WFDC10B: variants seen among roughly 807,000 people sequenced by gnomAD.
The protein encoded by WFDC10B is protein WFDC10B.
A neutral mutation model predicts 2.7 loss-of-function variants in WFDC10B; 1 was observed. The ratio of observed to expected loss-of-function variants is 0.38; its 90% confidence interval spans 0.13 to 1.79. The LOEUF (loss-of-function observed/expected upper bound fraction) is 1.79. WFDC10B is among the 40% of genes most tolerant of loss of function. The pLI, the probability that WFDC10B is intolerant of heterozygous loss-of-function variation, is 0.33. For missense variants in WFDC10B, 71 were observed against 87.8 expected (o/e 0.81, Z 0.76); for synonymous variants, 26 against 32.2 (o/e 0.81, Z 0.65).
intron 2 of WFDC10B, among the ~76,000 whole-genome samples, chr20:45,702,706 CA>C (rs375390203): frequency 8.5e-5 from 13 of 152,316 alleles, no homozygotes; most frequent in African/African-American, 2.9e-4. Context: ...TCCACATTTT[CA>C]AACTCCAGAG....
intron 2 of WFDC10B, among the ~76,000 whole-genome samples, chr20:45,693,371 G>T (rs1281565781): frequency 6.6e-6 from 1 of 152,196 alleles, no homozygotes; most frequent in Admixed American, 6.5e-5. Context: ...TGTCAGACAG[G>T]GACATGTAAG....
At chr20:45,687,277 T>C (rs1983651352) in intron 2 of WFDC10B, among the ~76,000 whole-genome samples, 1 of 152,148 alleles carries the variant, frequency 6.6e-6, no homozygotes. Flanking sequence ...GGTTTTCTGT[T>C]CCTCCATTAG....
At chr20:45,697,793 G>T (rs1984024153) in intron 2 of WFDC10B, among the ~76,000 whole-genome samples, 1 of 148,750 alleles carries the variant, frequency 6.7e-6, no homozygotes, top group African/African-American at 2.5e-5. Flanking sequence ...ACCCAGGCTG[G>T]AGTGCAGTGG....
At chr20:45,690,104 G>T (rs1004027880) in intron 2 of WFDC10B, among the ~76,000 whole-genome samples, 23 of 152,232 alleles carry the variant, frequency 1.5e-4, no homozygotes, top group African/African-American at 5.5e-4. Flanking sequence ...ATAATCAGGT[G>T]GTTTTGTCTT....
chr20:45,686,501 A>G (rs1414509734), intron 2 of WFDC10B, among the ~76,000 whole-genome samples: 1 of 150,672 alleles, frequency 6.6e-6, no homozygotes, highest in Non-Finnish European at 1.5e-5. Context: ...AATATTTACA[A>G]TGTCATTATT....
intron 2 of WFDC10B, among the ~76,000 whole-genome samples, chr20:45,692,821 C>G (rs1405646793): frequency 2.0e-5 from 3 of 152,216 alleles, no homozygotes; most frequent in African/African-American, 7.2e-5. Context: ...GCCTTCTTCT[C>G]TCAACTTGTC....
intron 2 of WFDC10B, among the ~76,000 whole-genome samples, chr20:45,691,952 C>T (rs148653430): frequency 1.3e-5 from 2 of 152,292 alleles, no homozygotes; most frequent in East Asian, 3.9e-4. Flanking sequence ...TACATTTTGA[C>T]ATGATTTTGC....
At chr20:45,699,675 T>G (rs1984087237) in intron 2 of WFDC10B, among the ~76,000 whole-genome samples, 1 of 152,168 alleles carries the variant, frequency 6.6e-6, no homozygotes, top group South Asian at 2.1e-4. Context: ...TATATGTGCA[T>G]TTATCCTCTT....
In WFDC10B at chr20:45,686,049, A is replaced by C; in HGVS notation, c.-57T>G. 1 of 1,591,794 alleles carries C rather than the reference A, an allele frequency of 6.3e-7. No homozygotes were observed. Among genetic ancestry groups the C allele is most frequent in the Non-Finnish European group, 8.6e-7 (1 of 1,168,394 alleles). On this transcript the variant is annotated 5_prime_UTR_variant, in exon 3 of 4. Coordinates refer to ENST00000330523, the MANE Select transcript of WFDC10B (RefSeq NM_172006.2). The stretch of plus-strand genomic sequence containing the variant: ...GCCAGGCAGTCACAGACTTCCCTGC[A>C]GAGCTGCCTGTGGAGAGGGAAGGAA...
intron 2 of WFDC10B, among the ~76,000 whole-genome samples, chr20:45,691,629 A>C (rs6130889): frequency 0.15 from 23,026 of 151,300 alleles, 1,999 homozygotes; most frequent in East Asian, 0.32. Flanking sequence ...GTTGGTTTAA[A>C]GTCTGTTTTA....
intron 2 of WFDC10B, among the ~76,000 whole-genome samples, chr20:45,692,418 A>T (rs6094199): frequency 0.19 from 28,554 of 151,664 alleles, 2,927 homozygotes; most frequent in East Asian, 0.32. Flanking sequence ...CTGGATAATA[A>T]CCTGCAGAGT....
intron 2 of WFDC10B, among the ~76,000 whole-genome samples, chr20:45,690,234 C>G (rs915302025): frequency 5.4e-5 from 8 of 148,454 alleles, no homozygotes; most frequent in Admixed American, 2.0e-4. Context: ...CTGCTGGATT[C>G]GGTTTGCTAG....
chr20:45,689,682 C>T (rs1442530052), intron 2 of WFDC10B, among the ~76,000 whole-genome samples: 1 of 152,148 alleles, frequency 6.6e-6, no homozygotes, highest in African/African-American at 2.4e-5. Context: ...GATTTTTGAA[C>T]ATTGATTTTC....
chr20:45,688,858 G>GA, intron 2 of WFDC10B, among the ~76,000 whole-genome samples: 1 of 152,108 alleles, frequency 6.6e-6, no homozygotes, highest in Non-Finnish European at 1.5e-5. Flanking sequence ...GATCCCATTT[G>GA]TCAATTTTGG....
intron 2 of WFDC10B, among the ~76,000 whole-genome samples, chr20:45,686,541 G>T (rs200588404): frequency 0.18 from 23,245 of 128,604 alleles, 2,021 homozygotes; most frequent in East Asian, 0.43. Context: ...AATTTTTTTG[G>T]GGGGGGGCGG....
At chr20:45,696,340 C>T (rs1056548339) in intron 2 of WFDC10B, among the ~76,000 whole-genome samples, 2 of 144,422 alleles carry the variant, frequency 1.4e-5, no homozygotes, top group African/African-American at 2.6e-5. Flanking sequence ...TTACATCATA[C>T]GAAACTAGAA....
In WFDC10B at chr20:45,684,831, CAT is replaced by C; in HGVS notation, c.219_220del (p.Ter74SerfsTer13). On this transcript the variant is annotated frameshift_variant and stop_lost, in exon 4 of 4. Transcript: ENST00000330523. LOFTEE classifies it high-confidence loss of function. ...GCACATCCCAGCCCACTCTCCCACTCATAGGATGCTCATACAAATGTTCCCAC... is the reference window on the plus strand; with the variant it reads ...GCACATCCCAGCCCACTCTCCCACTCAGGATGCTCATACAAATGTTCCCAC... 1 of 1,613,686 alleles carries C rather than the reference CAT, an allele frequency of 6.2e-7. No individual in the cohort carries two copies. Among genetic ancestry groups the C allele is most frequent in the Admixed American group, 1.7e-5 (1 of 59,994 alleles).
rs1449829570 is a variant in WFDC10B, at chr20:45,687,560, G to T, written c.-64-1504C>A. ...GGTTGCTGGGTCAAATGGTATTTCT[G>T]GTTCTAAATCTTTGAGGAATCATCA... is the stretch of plus-strand genomic sequence containing the variant. On this transcript the variant is annotated intron_variant, in intron 2 of 3. Coordinates refer to ENST00000330523, the MANE Select transcript of WFDC10B (RefSeq NM_172006.2). Among the ~76,000 whole-genome samples, 3 of 151,974 alleles carry T rather than the reference G, an allele frequency of 2.0e-5. 1 individual carries two copies. The highest frequency in any genetic ancestry group is 2.0e-4 in the Admixed American group (3 of 15,260).
At chr20:45,689,750 A>G (rs1053916694) in intron 2 of WFDC10B, among the ~76,000 whole-genome samples, 10 of 152,168 alleles carry the variant, frequency 6.6e-5, no homozygotes, top group African/African-American at 1.9e-4. Context: ...GGCTGAGACA[A>G]TGGGGTTTTC....
Sources: gnomAD v4.1 joint callset for allele counts (sites outside exome capture counted in the v4.1 genomes callset) on GRCh38, gnomAD v4.1.1 for gene constraint, MANE v1.5 for transcripts, NCBI Gene and HGNC (gene_info 2026-07-23, HGNC 2026-07-21) for gene names.